Variants in HS3ST4 observed in about 807,000 individuals in gnomAD.
HS3ST4 encodes heparan sulfate-glucosamine 3-sulfotransferase 4.
A neutral mutation model predicts 29.2 loss-of-function variants in HS3ST4; 17 were observed. The ratio of observed to expected loss-of-function variants is 0.58; its 90% CI spans 0.40 to 0.87. The LOEUF is 0.87. Ranked by LOEUF, HS3ST4 falls within the 40% of genes least tolerant of loss-of-function variation. HS3ST4 has a pLI of 0.00. For synonymous variants in HS3ST4, 314 were observed against 285.7 expected (o/e 1.10, Z -1.00); for missense variants, 627 against 634.5 (o/e 0.99, Z 0.13).
intron 1 of HS3ST4, among the ~76,000 whole-genome samples, chr16:25,762,214 T>C (rs1159180693): frequency 6.6e-6 from 1 of 152,130 alleles, no homozygotes; most frequent in Non-Finnish European, 1.5e-5. Context: ...AAATGTTGGT[T>C]GTTTAAGCCA....
intron 1 of HS3ST4, among the ~76,000 whole-genome samples, chr16:26,099,471 A>G (rs1286748039): frequency 6.6e-6 from 1 of 152,196 alleles, no homozygotes; most frequent in East Asian, 1.9e-4. Context: ...TGAAATTTGA[A>G]CCCAGAGTCA....
intron 1 of HS3ST4, among the ~76,000 whole-genome samples, chr16:26,038,613 G>A (rs927065127): frequency 6.6e-6 from 1 of 151,988 alleles, no homozygotes; most frequent in African/African-American, 2.4e-5. Flanking sequence ...TAGGATGACA[G>A]CATCGCATCC....
chr16:26,111,999 G>A (rs1339714420), intron 1 of HS3ST4, among the ~76,000 whole-genome samples: 2 of 142,178 alleles, frequency 1.4e-5, no homozygotes, highest in Non-Finnish European at 3.1e-5. Context: ...CCCGGCGACA[G>A]AGTGAGACTC....
intron 1 of HS3ST4, among the ~76,000 whole-genome samples, chr16:26,113,470 ATGTG>A (rs55722050): frequency 0.058 from 7,669 of 132,092 alleles, 213 homozygotes; most frequent in African/African-American, 0.076. Context: ...ACAATATATG[ATGTG>A]TGTGTGTGTG....
At chr16:26,028,153 A>T (rs1373836298) in intron 1 of HS3ST4, among the ~76,000 whole-genome samples, 1 of 151,598 alleles carries the variant, frequency 6.6e-6, no homozygotes, top group Non-Finnish European at 1.5e-5. Context: ...GGCGCCTGTA[A>T]TCTCAGCTAC....
At chr16:25,884,875 G>A (rs8058388) in intron 1 of HS3ST4, among the ~76,000 whole-genome samples, 75,551 of 152,050 alleles carry the variant, frequency 0.5, 19,577 homozygotes, top group African/African-American at 0.62. Flanking sequence ...GCGCCCGGCC[G>A]AGGTTAAGTA....
At chr16:25,843,939 G>C (rs1967440138) in intron 1 of HS3ST4, among the ~76,000 whole-genome samples, 1 of 152,144 alleles carries the variant, frequency 6.6e-6, no homozygotes, top group African/African-American at 2.4e-5. Context: ...GTCTCCTAAA[G>C]TTTGTACCCT....
chr16:25,867,442 G>C (rs12922082), intron 1 of HS3ST4, among the ~76,000 whole-genome samples: 58 of 152,142 alleles, frequency 3.8e-4, no homozygotes, highest in Non-Finnish European at 7.2e-4. Flanking sequence ...GCTGTCCCTA[G>C]AGTGGTCCAT....
At chr16:25,937,998 T>C (rs1567276476) in intron 1 of HS3ST4, among the ~76,000 whole-genome samples, 2 of 152,168 alleles carry the variant, frequency 1.3e-5, no homozygotes, top group Non-Finnish European at 2.9e-5. Flanking sequence ...GACATCTAAC[T>C]GGGCTTTCTG....
chr16:25,748,646 G>T (rs1966699879), intron 1 of HS3ST4, among the ~76,000 whole-genome samples: 1 of 152,120 alleles, frequency 6.6e-6, no homozygotes, highest in South Asian at 2.1e-4. Flanking sequence ...TGCAAAAAGG[G>T]TTTATCTCCA....
intron 1 of HS3ST4, among the ~76,000 whole-genome samples, chr16:26,111,565 G>A (rs1392173305): frequency 6.6e-6 from 1 of 152,166 alleles, no homozygotes; most frequent in Non-Finnish European, 1.5e-5. Flanking sequence ...TATAGTAGTG[G>A]CTAACTGGAT....
At chr16:26,024,437 A>T (rs182546654) in intron 1 of HS3ST4, among the ~76,000 whole-genome samples, 27 of 152,192 alleles carry the variant, frequency 1.8e-4, no homozygotes, top group Admixed American at 3.9e-4. Flanking sequence ...TTTGCTTTTA[A>T]AACAAGTCTC....
chr16:26,067,499 A>G (rs1216881454), intron 1 of HS3ST4, among the ~76,000 whole-genome samples: 1 of 138,602 alleles, frequency 7.2e-6, no homozygotes, highest in South Asian at 2.3e-4. Context: ...TAGCATTCCC[A>G]CCACCCCCCA....
intron 1 of HS3ST4, among the ~76,000 whole-genome samples, chr16:25,892,036 G>T (rs1968014451): frequency 6.6e-6 from 1 of 152,138 alleles, no homozygotes; most frequent in South Asian, 2.1e-4. Context: ...CAAGGCAAGG[G>T]TTTACTATTA....
At chr16:26,054,197 T>G (rs779859795) in intron 1 of HS3ST4, among the ~76,000 whole-genome samples, 2 of 150,982 alleles carry the variant, frequency 1.3e-5, no homozygotes, top group Non-Finnish European at 2.9e-5. Context: ...CACAACACCA[T>G]ACCTGACTGG....
intron 1 of HS3ST4, among the ~76,000 whole-genome samples, chr16:25,914,554 T>C (rs1295696287): frequency 6.7e-6 from 1 of 150,076 alleles, no homozygotes. Context: ...TGTGTGGGTG[T>C]ATGTTTATGT....
intron 1 of HS3ST4, among the ~76,000 whole-genome samples, chr16:26,117,107 A>G (rs192245103): frequency 7.7e-4 from 118 of 152,330 alleles, no homozygotes; most frequent in African/African-American, 2.7e-3. Flanking sequence ...AAAAATACCA[A>G]TGACCAGGAA....
At chr16:26,131,049 C>G (rs1030999376) in intron 1 of HS3ST4, among the ~76,000 whole-genome samples, 4 of 152,222 alleles carry the variant, frequency 2.6e-5, no homozygotes, top group African/African-American at 7.2e-5. Context: ...ATGTTGGTGT[C>G]ACCTGTGATG....
rs1345846724 is a variant in HS3ST4, at chr16:26,136,395, G to A, written c.*147G>A. 5.3e-6 allele frequency: 4 copies of A among 756,850 alleles called. No individual in the cohort carries two copies. Among genetic ancestry groups the A allele is most frequent in the African/African-American group, 1.8e-5 (1 of 56,538 alleles). The allele number at this position is 756,850 out of a possible 1,614,324, so 46.9% of individuals were successfully genotyped here. On this transcript the variant is annotated 3_prime_UTR_variant, in exon 2 of 2. Transcript: ENST00000331351. ...TGCAGCCAGGATTGCCTCCAGTGCTGTTAGCTTAGGCAAACAGGTGGATCC... is the reference window on the plus strand; with the variant it reads ...TGCAGCCAGGATTGCCTCCAGTGCTATTAGCTTAGGCAAACAGGTGGATCC...
Sources: allele counts gnomAD v4.1 joint callset (sites outside exome capture counted in the v4.1 genomes callset), GRCh38; gene constraint gnomAD v4.1.1; transcripts MANE v1.5; gene names NCBI Gene and HGNC (gene_info 2026-07-23, HGNC 2026-07-21).